RANBP9: variants seen among roughly 807,000 people sequenced by gnomAD.
The protein encoded by RANBP9 is ran-binding protein 9.
RANBP9 carries 15 observed loss-of-function variants against 84.3 expected under a neutral mutation model. The observed-to-expected ratio is 0.18, with a 90% CI of 0.12 to 0.27. RANBP9 has a LOEUF of 0.27. RANBP9 is among the 10% of genes least tolerant of loss of function. RANBP9 has a pLI of 1.00. For synonymous variants in RANBP9, 392 were observed against 349.6 expected (o/e 1.12, Z -1.35); for missense variants, 809 against 912.8 (o/e 0.89, Z 1.46).
rs148443946 is a variant in RANBP9, at chr6:13,693,605, G to A, written c.683+3180C>T. Among the ~76,000 whole-genome samples the A allele has an allele frequency of 3.7e-3, 570 of 152,188 alleles. 4 individuals are homozygous for A. Among genetic ancestry groups the A allele is most frequent in the African/African-American group, 0.013 (550 of 41,514 alleles). On this transcript the variant is annotated intron_variant, in intron 2 of 13. Coordinates refer to ENST00000011619, the MANE Select transcript of RANBP9 (RefSeq NM_005493.3). ...CTACTAAAAATACAAAAGATTAGCC[G>A]GGGGTGGCAGCAGATATCATATCCC... is the stretch of plus-strand genomic sequence containing the variant.
Position 13,711,796 on chromosome 6 carries a change from G to A in RANBP9, c.-291C>T, listed in dbSNP as rs1467279470. ...ACGCGGGAGCGCGGGAGGGGAAGGC[G>A]CGCTGGCGGCCGCCGCGGCCGCTGC... On this transcript the variant is annotated 5_prime_UTR_variant, in exon 1 of 14. Transcript: ENST00000011619. 1.4e-5 allele frequency among the ~76,000 whole-genome samples: 2 copies of A among 146,352 alleles called. No homozygotes were observed. The highest frequency in any genetic ancestry group is 4.9e-5 in the African/African-American group (2 of 40,826).
At chr6:13,676,102 C>T (rs556613770) in intron 2 of RANBP9, among the ~76,000 whole-genome samples, 3 of 152,058 alleles carry the variant, frequency 2.0e-5, no homozygotes, top group African/African-American at 7.2e-5. Context: ...AGCAATGATA[C>T]CCAAGAGTAG....
chr6:13,711,491 C>A lies in RANBP9; in HGVS notation c.15G>T (p.Pro5=). 1 of 1,247,704 alleles carries A rather than the reference C, an allele frequency of 8.0e-7. No homozygotes were observed. 77.3% of individuals were successfully genotyped at this position (1,247,704 alleles called of 1,614,324 possible). Residue 5 remains proline (P), a synonymous_variant, in exon 1 of 14, where the codon CCG becomes CCT. Transcript: ENST00000011619. MSGQ[P]PPPPPQQQQQ... ...GCTGCTGCTGCGGCGGCGGCGGCGG[C>A]GGCTGCCCGGACATCCCGGCCGCGA...
intron 1 of RANBP9, among the ~76,000 whole-genome samples, chr6:13,707,050 T>A (rs1413876031): frequency 6.6e-6 from 1 of 152,036 alleles, no homozygotes; most frequent in Non-Finnish European, 1.5e-5. Flanking sequence ...TTTACTTATT[T>A]TTTTTTTAAG....
In RANBP9 at chr6:13,711,762, G is replaced by A. The variant is rs1162237446; in HGVS notation, c.-257C>T. Among the ~76,000 whole-genome samples the A allele has an allele frequency of 6.8e-6, 1 of 147,302 alleles. No individual in the cohort carries two copies. The highest frequency in any genetic ancestry group is 1.5e-5 in the Non-Finnish European group (1 of 66,260). ...GCGGCCCGGGGACGAGGCGCCGAGG[G>A]CGGGGGCGACGCGGGAGCGCGGGAG... On this transcript the variant is annotated 5_prime_UTR_variant, in exon 1 of 14. Coordinates refer to ENST00000011619, the MANE Select transcript of RANBP9 (RefSeq NM_005493.3).
intron 2 of RANBP9, among the ~76,000 whole-genome samples, chr6:13,691,109 A>T (rs1651039005): frequency 6.6e-6 from 1 of 151,158 alleles, no homozygotes; most frequent in South Asian, 2.1e-4. Context: ...CAGAGGTTGC[A>T]GTGAGCCAAG....
rs374538732 is a variant in RANBP9, at chr6:13,689,004, A to AAG, written c.683+7780_683+7781insCT. 8.3e-5 allele frequency among the ~76,000 whole-genome samples: 9 copies of AAG among 108,992 alleles called. 2 individuals are homozygous for AAG. Among genetic ancestry groups the AAG allele is most frequent in the Admixed American group, 2.4e-4 (2 of 8,398 alleles). The allele number at this position is 108,992 out of a possible 152,430, so 71.5% of individuals were successfully genotyped here. On this transcript the variant is annotated intron_variant, in intron 2 of 13. Coordinates refer to ENST00000011619, the MANE Select transcript of RANBP9 (RefSeq NM_005493.3). ...CCACAAAAAAAAAAAAAAAAAAAAA[A>AAG]TGCTGGGCATGGTGACGCACACCCA...
chr6:13,650,652 C>T (rs376585224), intron 5 of RANBP9, among the ~76,000 whole-genome samples: 55 of 152,234 alleles, frequency 3.6e-4, no homozygotes, highest in Non-Finnish European at 5.4e-4. Context: ...CAGTATCAAA[C>T]GTGCACGATG....
In RANBP9 at chr6:13,700,375, T is replaced by C. The variant is rs181305115; in HGVS notation, c.572-3479A>G. On this transcript the variant is annotated intron_variant, in intron 1 of 13. Transcript: ENST00000011619. ...ACCTTGTCTGGTCTTGCTCTCCACC[T>C]GCACTTTCCACCTCCTTTCTGCTCC... Among the ~76,000 whole-genome samples the C allele has an allele frequency of 2.0e-5, 3 of 152,312 alleles. No individual in the cohort carries two copies. In the East Asian group the frequency reaches 5.8e-4, roughly 29 times the overall value.
chr6:13,690,774 C>T (rs1455237799), intron 2 of RANBP9, among the ~76,000 whole-genome samples: 1 of 152,044 alleles, frequency 6.6e-6, no homozygotes, highest in African/African-American at 2.4e-5. Flanking sequence ...ACTGAAAGTA[C>T]CTAAGATACA....
At position 13,634,550 on chromosome 6, in the gene RANBP9, T is replaced by C. The variant is rs766333755; in HGVS notation, c.1676A>G (p.Asn559Ser). The C allele has an allele frequency of 6.3e-7, 1 of 1,595,820 alleles. No homozygotes were observed. Among genetic ancestry groups the C allele is most frequent in the Admixed American group, 1.8e-5 (1 of 56,492 alleles). ...GTGATCTGTTTCCATGTCTACATCATTACTGAAAACGAAAAAACAAACCTA... is the reference window on the plus strand; with the variant it reads ...GTGATCTGTTTCCATGTCTACATCACTACTGAAAACGAAAAAACAAACCTA... ...RSQQVNNFTS[N>S]DVDMETDHYS... is the part of the protein sequence containing the mutation. Residue 559 changes from asparagine (N) to serine (S), a missense_variant and splice_region_variant, in exon 11 of 14, where the codon AAT (asparagine) becomes AGT (serine). Asn to Ser is a conservative substitution (Grantham distance 46). Coordinates refer to ENST00000011619, the MANE Select transcript of RANBP9 (RefSeq NM_005493.3).
At chr6:13,674,579 C>T (rs917187575) in intron 2 of RANBP9, among the ~76,000 whole-genome samples, 2 of 152,188 alleles carry the variant, frequency 1.3e-5, no homozygotes, top group African/African-American at 4.8e-5. Flanking sequence ...CAAACTGTGT[C>T]TGTTGCCCAG....
intron 2 of RANBP9, among the ~76,000 whole-genome samples, chr6:13,695,757 A>C (rs1766430646): frequency 6.6e-6 from 1 of 152,184 alleles, no homozygotes; most frequent in African/African-American, 2.4e-5. Context: ...AGGCAGTTAC[A>C]TAAAAAGCTG....
rs1449054761 is a variant in RANBP9, at chr6:13,711,694, G to A, written c.-189C>T. The A allele has an allele frequency of 3.7e-5, 13 of 353,354 alleles. No individual in the cohort carries two copies. Among genetic ancestry groups the A allele is most frequent in the Non-Finnish European group, 4.6e-6 (1 of 215,098 alleles). 21.9% of individuals were successfully genotyped at this position (353,354 alleles called of 1,614,324 possible). A position where few individuals can be genotyped will look rare whatever the true frequency, so the allele number is the denominator to read the frequency against. ...CTCGGAGACGCGGGAGTAGGCGGCG[G>A]GCCCGGGAGGCCGGGAGAGAACGTT... On this transcript the variant is annotated 5_prime_UTR_variant, in exon 1 of 14. Coordinates refer to ENST00000011619, the MANE Select transcript of RANBP9 (RefSeq NM_005493.3).
intron 2 of RANBP9, among the ~76,000 whole-genome samples, chr6:13,695,900 G>C (rs1429324321): frequency 6.6e-6 from 1 of 152,148 alleles, no homozygotes; most frequent in Non-Finnish European, 1.5e-5. Context: ...AGAGGGGTTT[G>C]ATTTGAGGTC....
Position 13,710,955 on chromosome 6 carries a change from T to C in RANBP9, c.551A>G (p.Asn184Ser), listed in dbSNP as rs1432345084. 1 of 1,609,134 alleles carries C rather than the reference T, an allele frequency of 6.2e-7. No individual in the cohort carries two copies. The highest frequency in any genetic ancestry group is 1.7e-5 in the Admixed American group (1 of 59,700). ...KFSYIGLSQN[N>S]LRVHYKGHGK... ...AGTACCTTTGTAGTGCACCCGCAGG[T>C]TGTTCTGAGAGAGGCCGATGTAGCT... The change falls in exon 1 of 14, where the codon AAC (asparagine) becomes AGC (serine). Residue 184 changes from asparagine (N) to serine (S), a missense_variant. Physicochemically the swap from Asn to Ser is conservative, Grantham distance 46. Around this residue, in one of 5 missense-constraint regions of RANBP9, gnomAD observed 56 missense variants for 88.2 expected, o/e 0.63. Transcript: ENST00000011619.
chr6:13,626,581 T>C (rs1764612391), intron 12 of RANBP9, among the ~76,000 whole-genome samples: 2 of 152,046 alleles, frequency 1.3e-5, no homozygotes, highest in Non-Finnish European at 2.9e-5. Flanking sequence ...TGACGTCTTA[T>C]TATTATGCCA....
At chr6:13,658,891 A>C (rs1418946427) in intron 2 of RANBP9, 59 bp from the exon 3 acceptor site, 1 of 1,463,614 alleles carries the variant, frequency 6.8e-7, no homozygotes, top group Admixed American at 1.7e-5. Flanking sequence ...TATATGTATA[A>C]ATTACCAAAC....
chr6:13,640,106 T>C (rs1765029530), intron 8 of RANBP9, among the ~76,000 whole-genome samples: 1 of 152,198 alleles, frequency 6.6e-6, no homozygotes, highest in African/African-American at 2.4e-5. Context: ...CCTAAGGACA[T>C]GATTTTATGT....
Sources: allele counts gnomAD v4.1 joint callset (sites outside exome capture counted in the v4.1 genomes callset), GRCh38; gene constraint gnomAD v4.1.1; regional missense constraint gnomAD v4.1.1; transcripts MANE v1.5; gene names NCBI Gene and HGNC (gene_info 2026-07-23, HGNC 2026-07-21).